R3HCC1L: variants seen among roughly 807,000 people sequenced by gnomAD.
The protein encoded by R3HCC1L is coiled-coil domain-containing protein R3HCC1L.
A neutral mutation model predicts 59.9 loss-of-function variants in R3HCC1L; 51 were observed. The observed-to-expected ratio is 0.85, with a 90% confidence interval of 0.68 to 1.07. The LOEUF (loss-of-function observed/expected upper bound fraction) is 1.07, where lower values mean the gene tolerates loss of function less well. Ranked by LOEUF, R3HCC1L falls within the 50% of genes least tolerant of loss-of-function variation. R3HCC1L has a pLI of 0.00. For synonymous variants in R3HCC1L, 322 were observed against 315.2 expected, an observed-to-expected ratio of 1.02 and a Z score of -0.23; for missense variants, 965 against 933.0, an observed-to-expected ratio of 1.03 and a Z score of -0.45.
At chr10:98,166,342 ATTT>A (rs1847945397) in intron 4 of R3HCC1L, among the ~76,000 whole-genome samples, 1 of 152,216 alleles carries the variant, frequency 6.6e-6, no homozygotes, top group African/African-American at 2.4e-5. Context: ...ATTGTGAGAA[ATTT>A]TTGTTGTTTT....
chr10:98,172,840 C>G (rs960022148), intron 4 of R3HCC1L, among the ~76,000 whole-genome samples: 2 of 152,144 alleles, frequency 1.3e-5, no homozygotes, highest in African/African-American at 4.8e-5. Context: ...CAAAATTTGA[C>G]TAAACTTGGG....
intron 9 of R3HCC1L, among the ~76,000 whole-genome samples, chr10:98,239,268 A>G (rs1196887126): frequency 6.6e-6 from 1 of 152,250 alleles, no homozygotes; most frequent in East Asian, 1.9e-4. Context: ...TACGTATTAT[A>G]TACTGCTACT....
intron 1 of R3HCC1L, among the ~76,000 whole-genome samples, chr10:98,154,182 C>CAAAAAAAAAAAAAAA (rs61379048): frequency 1.1e-5 from 1 of 92,832 alleles, no homozygotes; most frequent in African/African-American, 4.1e-5. Flanking sequence ...AGAGAATAAG[C>CAAAAAAAAAAAAAAA]AAAAAAAAAA....
chr10:98,182,197 G>A (rs1453274202), intron 4 of R3HCC1L, among the ~76,000 whole-genome samples: 3 of 152,066 alleles, frequency 2.0e-5, no homozygotes, highest in African/African-American at 4.8e-5. Flanking sequence ...ATGGGGTTTT[G>A]GTGTGGATTT....
chr10:98,243,847 C>A (rs1258829017), intron 9 of R3HCC1L, among the ~76,000 whole-genome samples: 1 of 152,130 alleles, frequency 6.6e-6, no homozygotes, highest in South Asian at 2.1e-4. Context: ...CTGACTTATT[C>A]CATATACTTC....
intron 1 of R3HCC1L, among the ~76,000 whole-genome samples, chr10:98,139,946 G>T (rs7897072): frequency 1.3e-5 from 2 of 151,256 alleles, no homozygotes; most frequent in African/African-American, 4.9e-5. Context: ...ATCTAGTATC[G>T]TGAGGTTTCC....
At chr10:98,174,946 C>T (rs767753122) in intron 4 of R3HCC1L, among the ~76,000 whole-genome samples, 1 of 152,050 alleles carries the variant, frequency 6.6e-6, no homozygotes, top group Middle Eastern at 3.4e-3. Flanking sequence ...AAAATAAAAC[C>T]GTTCAAATTA....
At chr10:98,168,226 TG>T (rs1273283321) in intron 4 of R3HCC1L, among the ~76,000 whole-genome samples, 1 of 152,212 alleles carries the variant, frequency 6.6e-6, no homozygotes, top group Non-Finnish European at 1.5e-5. Flanking sequence ...ATATTGCCAT[TG>T]TTCGGTATAT....
chr10:98,159,849 CCACAGT>C (rs928154613), intron 2 of R3HCC1L, among the ~76,000 whole-genome samples: 2 of 152,160 alleles, frequency 1.3e-5, no homozygotes, highest in Non-Finnish European at 2.9e-5. Context: ...ACTTTAAAAG[CCACAGT>C]CTGGACTCTA....
chr10:98,193,986 T>C (rs72826274), intron 4 of R3HCC1L, among the ~76,000 whole-genome samples: 1,928 of 152,228 alleles, frequency 0.013, 14 homozygotes, highest in Middle Eastern at 0.037. Flanking sequence ...AAAACCATCC[T>C]AAAATTCATA....
intron 4 of R3HCC1L, among the ~76,000 whole-genome samples, chr10:98,163,688 A>G (rs1847659388): frequency 1.3e-5 from 2 of 152,152 alleles, no homozygotes; most frequent in South Asian, 4.1e-4. Flanking sequence ...GTCTCTTTCC[A>G]CTGTAACAGC....
intron 4 of R3HCC1L, among the ~76,000 whole-genome samples, chr10:98,204,426 A>G (rs1195896412): frequency 6.6e-6 from 1 of 152,112 alleles, no homozygotes; most frequent in Non-Finnish European, 1.5e-5. Context: ...GAGAGAGAGA[A>G]GATCAAGTGC....
intron 5 of R3HCC1L, among the ~76,000 whole-genome samples, chr10:98,223,321 C>T (rs1855275933): frequency 6.6e-6 from 1 of 152,132 alleles, no homozygotes; most frequent in South Asian, 2.1e-4. Flanking sequence ...TGCAGCAGCA[C>T]ATCAAAAAGC....
intron 5 of R3HCC1L, among the ~76,000 whole-genome samples, chr10:98,219,049 T>C (rs1854560760): frequency 6.6e-6 from 1 of 152,140 alleles, no homozygotes; most frequent in South Asian, 2.1e-4. Flanking sequence ...GTAGCTGGGA[T>C]TATAGGCGCA....
intron 1 of R3HCC1L, among the ~76,000 whole-genome samples, chr10:98,146,289 A>G (rs1455438593): frequency 6.6e-6 from 1 of 152,218 alleles, no homozygotes; most frequent in Admixed American, 6.5e-5. Context: ...AGATCTAATA[A>G]GAGTAAGTAG....
Position 98,156,575 on chromosome 10 carries a change from T to A in R3HCC1L, c.-213+428T>A, listed in dbSNP as rs112620185. On this transcript the variant is annotated intron_variant, in intron 2 of 9. Transcript: ENST00000298999. ...GCACAATGTCCTGGAACAAAGCAAA[T>A]TGCTAGTTTTATATAGTGTTTTGGG... 4.4e-4 allele frequency among the ~76,000 whole-genome samples: 67 copies of A among 152,262 alleles called. 1 individual carries two copies. The highest frequency in any genetic ancestry group is 1.5e-3 in the African/African-American group (64 of 41,556).
At chr10:98,142,508 T>C (rs1459826419) in intron 1 of R3HCC1L, among the ~76,000 whole-genome samples, 1 of 151,918 alleles carries the variant, frequency 6.6e-6, no homozygotes, top group African/African-American at 2.4e-5. Flanking sequence ...CATGGTGGCA[T>C]GTGTCTGTAG....
chr10:98,162,961 G>C lies in R3HCC1L; in HGVS notation c.-134G>C, dbSNP rs1847589011. On this transcript the variant is annotated 5_prime_UTR_variant, in exon 3 of 10. Transcript: ENST00000298999. ...GGTCTGCCTGCCTCGGCTTCCCAAA[G>C]TGCTGGGATTACAGGTATGAGCCAC... The C allele has an allele frequency of 6.5e-6, 1 of 152,768 alleles. No homozygotes were observed. The highest frequency in any genetic ancestry group is 1.5e-5 in the Non-Finnish European group (1 of 68,496). 9.5% of individuals were successfully genotyped at this position (152,768 alleles called of 1,614,324 possible). A position where few individuals can be genotyped will look rare whatever the true frequency, so the allele number is the denominator to read the frequency against.
At chr10:98,219,153 C>G (rs1013024844) in intron 5 of R3HCC1L, among the ~76,000 whole-genome samples, 1 of 152,226 alleles carries the variant, frequency 6.6e-6, no homozygotes, top group African/African-American at 2.4e-5. Flanking sequence ...CTCAAGTGAT[C>G]CACCTGCCTT....
Sources: allele counts gnomAD v4.1 joint callset (sites outside exome capture counted in the v4.1 genomes callset), GRCh38; gene constraint gnomAD v4.1.1; transcripts MANE v1.5; gene names NCBI Gene and HGNC (gene_info 2026-07-23, HGNC 2026-07-21).